GABRR3: variants seen among roughly 807,000 people sequenced by gnomAD.
GABRR3 encodes gamma-aminobutyric acid receptor subunit rho-3.
A neutral mutation model predicts 43.2 loss-of-function variants in GABRR3; 29 were observed. The observed-to-expected ratio is 0.67, with a 90% CI of 0.50 to 0.92. The LOEUF (loss-of-function observed/expected upper bound fraction) is 0.92, where lower values mean the gene tolerates loss of function less well. Ranked by LOEUF, GABRR3 falls within the 40% of genes least tolerant of loss-of-function variation. GABRR3 has a pLI of 0.00. For synonymous variants in GABRR3, 206 were observed against 195.9 expected, an observed-to-expected ratio of 1.05 and a Z score of -0.43; for missense variants, 576 against 572.3, an observed-to-expected ratio of 1.01 and a Z score of -0.07.
intron 2 of GABRR3, among the ~76,000 whole-genome samples, chr3:98,029,600 G>C (rs768315738): frequency 2.0e-5 from 3 of 152,080 alleles, no homozygotes; most frequent in African/African-American, 4.8e-5. Context: ...CTGGAGCCTG[G>C]AGGCCTACAT....
chr3:98,030,952 C>T (rs1707079698), intron 2 of GABRR3, among the ~76,000 whole-genome samples: 1 of 152,134 alleles, frequency 6.6e-6, no homozygotes, highest in South Asian at 2.1e-4. Context: ...TCAATTGGTC[C>T]AATTTTTCAT....
chr3:98,015,128 A>C (rs756253089), intron 4 of GABRR3, among the ~76,000 whole-genome samples: 39 of 152,246 alleles, frequency 2.6e-4, no homozygotes, highest in Non-Finnish European at 4.3e-4. Flanking sequence ...CAACAAACTA[A>C]ATCTTTTCAG....
intron 8 of GABRR3, among the ~76,000 whole-genome samples, chr3:97,995,569 C>G (rs934806869): frequency 6.0e-5 from 9 of 150,774 alleles, no homozygotes; most frequent in African/African-American, 2.0e-4. Flanking sequence ...ATTTTAAAAC[C>G]AGCATTCTAA....
At position 98,001,779 on chromosome 3, in the gene GABRR3, A is replaced by C. The variant is rs143019522; in HGVS notation, c.755-12T>G. 1 of 1,612,584 alleles carries C rather than the reference A, an allele frequency of 6.2e-7. No homozygotes were observed. Among genetic ancestry groups the C allele is most frequent in the East Asian group, 2.2e-5 (1 of 44,854 alleles). On this transcript the variant is annotated splice_polypyrimidine_tract_variant and intron_variant, in intron 7 of 9. Transcript: ENST00000621172. ...CCTATTGTACCAACCTGTGGAAAAAAGCCAAAGTTTTCATTAGAGCAAGCT... is the reference window on the plus strand; with the variant it reads ...CCTATTGTACCAACCTGTGGAAAAACGCCAAAGTTTTCATTAGAGCAAGCT...
chr3:98,025,579 G>T, exon 3 of GABRR3: 1 of 1,608,232 alleles, frequency 6.2e-7, no homozygotes, highest in Non-Finnish European at 8.5e-7. Flanking sequence ...CCAAATCCAG[G>T]TCTCATTGCG....
exon 2 of GABRR3, chr3:98,034,958 G>A (rs936701923): frequency 8.1e-6 from 13 of 1,612,726 alleles, no homozygotes; most frequent in East Asian, 4.5e-5. Flanking sequence ...AGATGTAGGT[G>A]AAGGAGACTA....
downstream of GABRR3, among the ~76,000 whole-genome samples, chr3:97,985,847 A>T (rs935525011): frequency 8.4e-5 from 1 of 11,900 alleles, no homozygotes; most frequent in South Asian, 6.9e-3. Flanking sequence ...ACAATATTTT[A>T]TATATATATA....
At chr3:97,990,357 T>C (rs965171035) in intron 9 of GABRR3, among the ~76,000 whole-genome samples, 8 of 152,048 alleles carry the variant, frequency 5.3e-5, no homozygotes, top group Non-Finnish European at 7.4e-5. Context: ...TCTTTTTTTT[T>C]TTTTAGACGG....
At chr3:98,030,366 C>T (rs1448333682) in intron 2 of GABRR3, among the ~76,000 whole-genome samples, 1 of 152,008 alleles carries the variant, frequency 6.6e-6, no homozygotes, top group South Asian at 2.1e-4. Context: ...GGAGATAATT[C>T]TTGTCCTTTA....
chr3:98,032,188 G>C (rs1458859656), intron 2 of GABRR3, among the ~76,000 whole-genome samples: 4 of 152,114 alleles, frequency 2.6e-5, no homozygotes, highest in Admixed American at 2.0e-4. Flanking sequence ...AAGAGCAACA[G>C]ATGATAAAGT....
chr3:98,001,372 C>T lies in GABRR3; in HGVS notation c.907+243G>A, dbSNP rs115798533. 995 of 476,236 alleles carry T rather than the reference C, an allele frequency of 2.1e-3. 7 individuals carry two copies. The highest frequency in any genetic ancestry group is 0.017 in the African/African-American group (888 of 52,010). The allele number at this position is 476,236 out of a possible 1,614,324, so 29.5% of individuals were successfully genotyped here. ...TTCATAATTTCACCCCCTTTCTTTACTATCACCCAACTGCAGGTCAGTCAG... is the reference window on the plus strand; with the variant it reads ...TTCATAATTTCACCCCCTTTCTTTATTATCACCCAACTGCAGGTCAGTCAG... On this transcript the variant is annotated intron_variant, in intron 8 of 9. Transcript: ENST00000621172.
chr3:98,014,250 G>A (rs1706848560), intron 4 of GABRR3, among the ~76,000 whole-genome samples: 1 of 152,268 alleles, frequency 6.6e-6, no homozygotes, highest in East Asian at 1.9e-4. Flanking sequence ...AAACAATAAG[G>A]ACTTTAGATG....
At chr3:98,027,199 A>G (rs1461715051) in intron 2 of GABRR3, among the ~76,000 whole-genome samples, 1 of 152,244 alleles carries the variant, frequency 6.6e-6, no homozygotes, top group East Asian at 1.9e-4. Flanking sequence ...TCACCAAGCC[A>G]AAGTAAACAT....
chr3:98,027,697 C>A (rs1707040949), intron 2 of GABRR3, among the ~76,000 whole-genome samples: 1 of 152,096 alleles, frequency 6.6e-6, no homozygotes, highest in South Asian at 2.1e-4. Flanking sequence ...CCTTCTATTT[C>A]CCAAAAAGGA....
intron 9 of GABRR3, among the ~76,000 whole-genome samples, chr3:97,991,046 T>G (rs899680288): frequency 2.6e-5 from 4 of 152,158 alleles, no homozygotes; most frequent in African/African-American, 9.7e-5. Flanking sequence ...GTGTATAATA[T>G]CAACAACTAT....
exon 3 of GABRR3, chr3:98,025,597 T>C: frequency 6.2e-7 from 1 of 1,611,878 alleles, no homozygotes; most frequent in Non-Finnish European, 8.5e-7. Flanking sequence ...GCGAAATCGT[T>C]GTCCTCTATA....
chr3:98,011,788 G>GCCA (rs1205402863), intron 5 of GABRR3, among the ~76,000 whole-genome samples: 4 of 152,166 alleles, frequency 2.6e-5, no homozygotes, highest in African/African-American at 9.6e-5. Flanking sequence ...TCCATGATAA[G>GCCA]CCACTCAATA....
intron 7 of GABRR3, among the ~76,000 whole-genome samples, chr3:98,007,398 C>T (rs2107236141): frequency 6.6e-6 from 1 of 152,142 alleles, no homozygotes. Flanking sequence ...GGGTGAGTCC[C>T]ACATTAGGCA....
chr3:98,024,202 T>A (rs528871579), intron 3 of GABRR3, among the ~76,000 whole-genome samples: 7 of 151,942 alleles, frequency 4.6e-5, no homozygotes, highest in African/African-American at 1.4e-4. Context: ...TACTAAAACA[T>A]GCAACAATTA....
Sources: gnomAD v4.1 joint callset for allele counts (sites outside exome capture counted in the v4.1 genomes callset) on GRCh38, gnomAD v4.1.1 for gene constraint, MANE v1.5 for transcripts, NCBI Gene and HGNC (gene_info 2026-07-23, HGNC 2026-07-21) for gene names.